The following TMC8 variants were observed in gnomAD, a reference collection of about 807,000 sequenced individuals.
The protein encoded by TMC8 is transmembrane channel-like protein 8.
In TMC8, 71 loss-of-function variants were observed where a neutral mutation model predicts 76.0. The observed-to-expected ratio is 0.93, with a 90% CI of 0.77 to 1.14. The LOEUF (loss-of-function observed/expected upper bound fraction) is 1.14. Ranked by LOEUF, TMC8 falls within the 50% of genes most tolerant of loss-of-function variation. TMC8 has a pLI of 0.00. For missense variants in TMC8, 924 were observed against 947.9 expected, an observed-to-expected ratio of 0.97 and a Z score of 0.33; for synonymous variants, 433 against 433.8, an observed-to-expected ratio of 1.00 and a Z score of 0.02.
chr17:78,131,297 C>T lies in TMC8; in HGVS notation c.-292C>T, dbSNP rs2074957791. On this transcript the variant is annotated 5_prime_UTR_variant, in exon 2 of 16. Coordinates refer to ENST00000318430, the MANE Select transcript of TMC8 (RefSeq NM_152468.5). ...ATTTGACAGATGGGGAGACTGAGGCCGTGGCTGTGTGTCCCTCTGAGAGTT... is the reference window on the plus strand; with the variant it reads ...ATTTGACAGATGGGGAGACTGAGGCTGTGGCTGTGTGTCCCTCTGAGAGTT... The T allele has an allele frequency of 1.8e-6, 1 of 545,078 alleles. No homozygotes were observed. Among genetic ancestry groups the T allele is most frequent in the Non-Finnish European group, 3.3e-6 (1 of 301,684 alleles). 33.8% of individuals were successfully genotyped at this position (545,078 alleles called of 1,614,324 possible). A position where few individuals can be genotyped will look rare whatever the true frequency, so the allele number is the denominator to read the frequency against.
chr17:78,142,580 CT>C lies in TMC8; in HGVS notation c.*1469del, dbSNP rs1451101958. 2 of 152,344 alleles carry C rather than the reference CT, an allele frequency of 1.3e-5. No individual in the cohort carries two copies. The highest frequency in any genetic ancestry group is 6.5e-5 in the Admixed American group (1 of 15,278). The allele number at this position is 152,344 out of a possible 1,614,324, so 9.4% of individuals were successfully genotyped here. A position where few individuals can be genotyped will look rare whatever the true frequency, so the allele number is the denominator to read the frequency against. On this transcript the variant is annotated 3_prime_UTR_variant, in exon 16 of 16. Transcript: ENST00000318430. ...AGTGCTGCTAGTGCTGGGTCCTGTT[CT>C]GGGGGCTGGTGATGAGGCCAAGAGG... is the stretch of plus-strand genomic sequence containing the variant.
intron 6 of TMC8, 146 bp downstream of exon 6, chr17:78,133,688 C>A: frequency 6.5e-7 from 1 of 1,538,018 alleles, no homozygotes; most frequent in Non-Finnish European, 8.8e-7. Context: ...AGGCTCTGGC[C>A]GCAAACCTTA....
chr17:78,132,584 C>T, intron 4 of TMC8, 76 bp downstream of exon 4: 10 of 1,550,648 alleles, frequency 6.4e-6, no homozygotes, highest in East Asian at 2.4e-5. Flanking sequence ...GGGCCCAGAG[C>T]GTGGCGACAA....
rs921414550 is a variant in TMC8, at chr17:78,141,129, C to T, written c.*17C>T. On this transcript the variant is annotated 3_prime_UTR_variant, in exon 16 of 16. Transcript: ENST00000318430. ...GAGCTGTAACCCCTACCCCTGCCTC[C>T]CCGAAGCCTCCCTGGGGCCCCTTCA... The T allele has an allele frequency of 1.3e-6, 2 of 1,533,496 alleles. No homozygotes were observed. The highest frequency in any genetic ancestry group is 2.5e-5 in the South Asian group (2 of 80,370). The allele number at this position is 1,533,496 out of a possible 1,614,324, so 95.0% of individuals were successfully genotyped here.
Position 78,133,522 on chromosome 17 carries a change from C to G in TMC8, c.648C>G (p.Cys216Trp), listed in dbSNP as rs758015647. Reference protein sequence around the residue: ...LLSPLACLLLCFCGTLRRMVK... With the variant: ...LLSPLACLLLWFCGTLRRMVK... ...GCCCGCTGGCCTGCCTGCTCCTCTG[C>G]TTCTGTGGGACTCTGCGGCGGTGAG... The change falls in exon 6 of 16, where the codon TGC becomes TGG. Residue 216 changes from cysteine (C) to tryptophan (W), a missense_variant. Cys to Trp is a radical substitution (Grantham distance 215). Transcript: ENST00000318430. 4 of 1,613,234 alleles carry G rather than the reference C, an allele frequency of 2.5e-6. No individual in the cohort carries two copies. In the Middle Eastern group the frequency reaches 4.9e-4, roughly 200 times the overall value.
Position 78,132,481 on chromosome 17 carries a change from C to G in TMC8, c.421C>G (p.Pro141Ala). Residue 141 changes from proline (P) to alanine (A), a missense_variant, in exon 4 of 16, where the codon CCT (proline) becomes GCT (alanine). Transcript: ENST00000318430. ...GCTGCCCCTGGTCTGGCTCCGCCCCCCTGACCCAGGCCCCACCCTGAACTT... is the reference window on the plus strand; with the variant it reads ...GCTGCCCCTGGTCTGGCTCCGCCCCGCTGACCCAGGCCCCACCCTGAACTT... ...VLLPLVWLRPPDPGPTLNLTL... is the reference protein window; with the variant it reads ...VLLPLVWLRPADPGPTLNLTL... 1.9e-6 allele frequency: 3 copies of G among 1,611,566 alleles called. No homozygotes were observed. Among genetic ancestry groups the G allele is most frequent in the African/African-American group, 1.3e-5 (1 of 75,022 alleles).
intron 4 of TMC8, 36 bp from the exon 5 acceptor site, chr17:78,132,752 G>C: frequency 6.2e-7 from 1 of 1,608,360 alleles, no homozygotes; most frequent in South Asian, 1.1e-5. Flanking sequence ...TATGCCTTGG[G>C]GATCCCTCTC....
At chr17:78,135,040 G>T in intron 9 of TMC8, 31 bp downstream of exon 9, 1 of 1,613,544 alleles carries the variant, frequency 6.2e-7, no homozygotes, top group South Asian at 1.1e-5. Context: ...GGACAAGTGG[G>T]CATGTAACAA....
Position 78,140,827 on chromosome 17 carries a change from C to G in TMC8, c.1903-7C>G, listed in dbSNP as rs762939451. 1 of 1,604,420 alleles carries G rather than the reference C, an allele frequency of 6.2e-7. No homozygotes were observed. The highest frequency in any genetic ancestry group is 1.7e-4 in the Middle Eastern group (1 of 6,014). ...CTGTCGCAACTCGCCACTTGTTCTC[C>G]TCACAGCAGGTTCAGGAGAAGTGGC... On this transcript the variant is annotated splice_region_variant and splice_polypyrimidine_tract_variant and intron_variant, in intron 15 of 15. Coordinates refer to ENST00000318430, the MANE Select transcript of TMC8 (RefSeq NM_152468.5).
At position 78,132,773 on chromosome 17, in the gene TMC8, C is replaced by T; in HGVS notation, c.449-15C>T. On this transcript the variant is annotated splice_polypyrimidine_tract_variant and intron_variant, in intron 4 of 15. Coordinates refer to ENST00000318430, the MANE Select transcript of TMC8 (RefSeq NM_152468.5). Reference sequence around the variant, plus strand: ...TTGGGGATCCCTCTCTATTGACCCCCTTCCTCCTCAACAGCCCTCCAGTGC... The same window carrying T: ...TTGGGGATCCCTCTCTATTGACCCCTTTCCTCCTCAACAGCCCTCCAGTGC... The T allele has an allele frequency of 6.2e-7, 1 of 1,614,064 alleles. No homozygotes were observed. The highest frequency in any genetic ancestry group is 8.5e-7 in the Non-Finnish European group (1 of 1,179,918).
Position 78,131,979 on chromosome 17 carries a change from C to A in TMC8, c.247C>A (p.Arg83=). 6.6e-7 allele frequency: 1 copy of A among 1,521,764 alleles called. No individual in the cohort carries two copies. 94.3% of individuals were successfully genotyped at this position (1,521,764 alleles called of 1,614,324 possible). A position where few individuals can be genotyped will look rare whatever the true frequency, so the allele number is the denominator to read the frequency against. The stretch of plus-strand genomic sequence containing the variant: ...AAGGCGCCTGCGGGAGGCAGCGCAG[C>A]GGCTGGCCCGGGGCCTTGGGCTCTG... ...VERRLREAAQ[R]LARGLGLWEG... The change falls in exon 3 of 16, where the codon CGG becomes AGG. Residue 83 remains arginine, a synonymous_variant. Transcript: ENST00000318430.
chr17:78,132,258 G>T, intron 3 of TMC8, 101 bp from the exon 4 acceptor site: 4 of 1,479,478 alleles, frequency 2.7e-6, no homozygotes, highest in Non-Finnish European at 3.7e-6. Flanking sequence ...GTGGGAGCCT[G>T]GCGGGCACCC....
Position 78,137,732 on chromosome 17 carries a change from G to C in TMC8, c.1267G>C (p.Val423Leu), listed in dbSNP as rs368534068. 5.6e-6 allele frequency: 9 copies of C among 1,613,556 alleles called. No homozygotes were observed. Among genetic ancestry groups the C allele is most frequent in the Non-Finnish European group, 7.6e-6 (9 of 1,180,010 alleles). ...VCDYQCWENS[V>L]GEELYKLSIF... ...TGCACCCCAGTGCTGGGAGAACTCC[G>C]TGGGGGAGGAGCTGTACAAGCTGAG... Residue 423 changes from valine (V) to leucine (L), a missense_variant, in exon 11 of 16, where the codon GTG becomes CTG. By Grantham distance (32) the Val-to-Leu change is conservative. Coordinates refer to ENST00000318430, the MANE Select transcript of TMC8 (RefSeq NM_152468.5).
chr17:78,137,745 T>C lies in TMC8; in HGVS notation c.1280T>C (p.Leu427Pro). 1 of 1,613,600 alleles carries C rather than the reference T, an allele frequency of 6.2e-7. No homozygotes were observed. The highest frequency in any genetic ancestry group is 2.2e-5 in the East Asian group (1 of 44,880). Residue 427 changes from leucine to proline, a missense_variant, in exon 11 of 16, where the codon CTG (leucine) becomes CCG (proline). Transcript: ENST00000318430. ...QCWENSVGEELYKLSIFNFLL... is the reference protein window; with the variant it reads ...QCWENSVGEEPYKLSIFNFLL... ...TGGGAGAACTCCGTGGGGGAGGAGC[T>C]GTACAAGCTGAGTATCTTCAACTTC...
At chr17:78,134,704 C>A in intron 8 of TMC8, 140 bp downstream of exon 8, 1 of 1,500,090 alleles carries the variant, frequency 6.7e-7, no homozygotes, top group Non-Finnish European at 9.1e-7. Flanking sequence ...GGCAGGCGGG[C>A]TCCCACTGGA....
chr17:78,132,325 G>A (rs759402132), intron 3 of TMC8, 34 bp from the exon 4 acceptor site: 7 of 1,609,628 alleles, frequency 4.3e-6, no homozygotes, highest in East Asian at 2.2e-5. Context: ...CCCCGGCCCC[G>A]GCCTCCCTGA....
intron 9 of TMC8, 151 bp downstream of exon 9, chr17:78,135,160 G>A (rs935162360): frequency 4.9e-6 from 5 of 1,015,526 alleles, no homozygotes; most frequent in Non-Finnish European, 7.5e-6. Flanking sequence ...ACACCTCACA[G>A]CACACGACCT....
chr17:78,133,706 G>A (rs1240520493), intron 6 of TMC8, 147 bp from the exon 7 acceptor site: 6 of 1,518,218 alleles, frequency 4.0e-6, no homozygotes, highest in African/African-American at 2.8e-5. Context: ...TTAGGAACAG[G>A]GCCACCGCCC....
In TMC8 at chr17:78,133,543, G is replaced by A; in HGVS notation, c.668+1G>A. On this transcript the variant is annotated splice_donor_variant, in intron 6 of 15. Transcript: ENST00000318430. LOFTEE classifies it high-confidence loss of function. ...TCTGCTTCTGTGGGACTCTGCGGCG[G>A]TGAGAGCGAGGTCCACACCTTCACC... The A allele has an allele frequency of 1.2e-6, 2 of 1,611,266 alleles. No individual in the cohort carries two copies. Among genetic ancestry groups the A allele is most frequent in the South Asian group, 1.1e-5 (1 of 91,086 alleles).
Sources: gnomAD v4.1 joint callset for allele counts on GRCh38, gnomAD v4.1.1 for gene constraint, MANE v1.5 for transcripts, NCBI Gene and HGNC (gene_info 2026-07-23, HGNC 2026-07-21) for gene names.